Variants in APP observed in about 807,000 individuals in gnomAD.
APP encodes the protein amyloid beta precursor protein.
Under a neutral mutation model 101.4 loss-of-function variants are expected in APP, and 31 were observed. That is an observed-to-expected ratio of 0.31 (90% CI 0.23 to 0.41). APP has a LOEUF of 0.41. Among genes scored for constraint, APP ranks in the 10% least tolerant of loss-of-function variants. APP has a pLI of 1.00. For synonymous variants in APP, 366 were observed against 364.4 expected (o/e 1.00, Z -0.05); for missense variants, 839 against 1,003.7 (o/e 0.84, Z 2.22).
chr21:26,091,322 G>A (rs1385393095), intron 2 of APP, among the ~76,000 whole-genome samples: 5 of 152,196 alleles, frequency 3.3e-5, no homozygotes, highest in Admixed American at 6.5e-5. Flanking sequence ...AATGTATGGC[G>A]CACAGGACTG....
chr21:26,029,023 T>C (rs1318970449), intron 5 of APP, among the ~76,000 whole-genome samples: 1 of 152,026 alleles, frequency 6.6e-6, no homozygotes, highest in Non-Finnish European at 1.5e-5. Context: ...AGTGCATGGA[T>C]GGCTGAGGCA....
intron 11 of APP, among the ~76,000 whole-genome samples, chr21:25,965,894 AAG>A (rs1400468007): frequency 1.3e-5 from 2 of 152,256 alleles, no homozygotes; most frequent in African/African-American, 4.8e-5. Context: ...GGTTTGCTGG[AAG>A]AAAGCAGAGC....
chr21:25,949,379 G>GT (rs2040965605), intron 13 of APP, among the ~76,000 whole-genome samples: 1 of 152,170 alleles, frequency 6.6e-6, no homozygotes, highest in South Asian at 2.1e-4. Context: ...TCAGAACCCT[G>GT]ATTTATGCTT....
Position 25,979,714 on chromosome 21 carries a change from T to C in APP, c.1224+2630A>G, listed in dbSNP as rs1036378866. ...ATTATTTTAAAGAAGACCTGTCACA[T>C]CTAAAACTAACAGAGAATTTGAAAT... On this transcript the variant is annotated intron_variant, in intron 9 of 17. Transcript: ENST00000346798. Among the ~76,000 whole-genome samples, 3 of 152,104 alleles carry C rather than the reference T, an allele frequency of 2.0e-5. No homozygotes were observed. In the Middle Eastern group the frequency reaches 0.01, roughly 517 times the overall value.
intron 1 of APP, among the ~76,000 whole-genome samples, chr21:26,169,784 CAG>C (rs890986387): frequency 6.6e-6 from 1 of 152,224 alleles, no homozygotes; most frequent in African/African-American, 2.4e-5. Context: ...GCCTCTCAGA[CAG>C]AGCTTAGGGT....
At chr21:26,171,006 AG>A (rs1360642888), upstream of APP, 51 of 178,274 alleles carry the variant, frequency 2.9e-4, no homozygotes, top group African/African-American at 1.0e-3. Flanking sequence ...GAACAGTGGG[AG>A]GGAGAGTCTG....
At chr21:26,110,378 G>C (rs1410884958) in intron 2 of APP, among the ~76,000 whole-genome samples, 2 of 152,044 alleles carry the variant, frequency 1.3e-5, no homozygotes, top group African/African-American at 4.8e-5. Flanking sequence ...CCCGGGAGGT[G>C]GAGGTTGCAG....
At chr21:26,123,934 GAAGAA>G (rs1474817145) in intron 1 of APP, among the ~76,000 whole-genome samples, 3 of 151,658 alleles carry the variant, frequency 2.0e-5, no homozygotes, top group Admixed American at 6.6e-5. Flanking sequence ...TGTTTGAAGA[GAAGAA>G]AAGAGAACAT....
chr21:25,934,355 T>C (rs1285046475), intron 13 of APP: 1 of 152,222 alleles, frequency 6.6e-6, no homozygotes, highest in Non-Finnish European at 1.5e-5. Flanking sequence ...AGGAATCTAA[T>C]ACACTGCCCA....
At chr21:26,161,080 C>T (rs2063482045) in intron 1 of APP, among the ~76,000 whole-genome samples, 1 of 152,152 alleles carries the variant, frequency 6.6e-6, no homozygotes, top group South Asian at 2.1e-4. Context: ...TTCTTTATCA[C>T]CACAACATAG....
intron 5 of APP, among the ~76,000 whole-genome samples, chr21:26,028,176 CAAA>C (rs200301180): frequency 1.2e-4 from 11 of 93,458 alleles, no homozygotes; most frequent in Non-Finnish European, 1.4e-4. Context: ...GACTCTGTCT[CAAA>C]AAAAAAAAAA....
intron 17 of APP, among the ~76,000 whole-genome samples, chr21:25,884,925 A>T (rs1398482562): frequency 6.6e-6 from 1 of 152,262 alleles, no homozygotes; most frequent in African/African-American, 2.4e-5. Context: ...CCTAACGCTT[A>T]AGAGTGCCCT....
chr21:25,898,488 A>T (rs893223489), intron 15 of APP, among the ~76,000 whole-genome samples: 4 of 152,262 alleles, frequency 2.6e-5, no homozygotes, highest in Non-Finnish European at 5.9e-5. Flanking sequence ...ACATTTAATT[A>T]TCAAACATCA....
At chr21:25,946,894 G>A (rs1197524125) in intron 13 of APP, among the ~76,000 whole-genome samples, 2 of 152,064 alleles carry the variant, frequency 1.3e-5, no homozygotes, top group East Asian at 3.9e-4. Context: ...TCAATATACT[G>A]CACTGAATTA....
chr21:25,937,725 G>T (rs530770613), intron 13 of APP: 2 of 152,226 alleles, frequency 1.3e-5, no homozygotes, highest in South Asian at 4.1e-4. Flanking sequence ...AGTTATGAAA[G>T]GCAGAATTTT....
rs892850454 is a variant in APP, at chr21:26,058,987, A to G, written c.356-5639T>C. On this transcript the variant is annotated intron_variant, in intron 3 of 17. Transcript: ENST00000346798. The stretch of plus-strand genomic sequence containing the variant: ...TCCCAGCTACTCGGGAGGCTGAGGC[A>G]GGAGAATGGCGTGAACCCGGGAGGC... Among the ~76,000 whole-genome samples the G allele has an allele frequency of 1.2e-3, 186 of 151,982 alleles. 1 individual carries two copies. Among genetic ancestry groups the G allele is most frequent in the African/African-American group, 4.2e-3 (174 of 41,440 alleles).
intron 5 of APP, among the ~76,000 whole-genome samples, chr21:26,025,708 T>A (rs1452707125): frequency 6.6e-6 from 1 of 152,216 alleles, no homozygotes; most frequent in Non-Finnish European, 1.5e-5. Flanking sequence ...TGCATCTGCC[T>A]GAGCAATTTA....
chr21:26,099,511 A>C (rs2062013698), intron 2 of APP, among the ~76,000 whole-genome samples: 1 of 152,370 alleles, frequency 6.6e-6, no homozygotes, highest in South Asian at 2.1e-4. Context: ...CTAAGCATTC[A>C]AAGAGTATAT....
chr21:25,975,315 C>T, intron 10 of APP, 87 bp from the exon 11 acceptor site: 3 of 1,550,780 alleles, frequency 1.9e-6, no homozygotes, highest in Non-Finnish European at 1.8e-6. Context: ...ACATCCTATT[C>T]CATTTTCTTC....
Sources: allele counts gnomAD v4.1 joint callset (sites outside exome capture counted in the v4.1 genomes callset), GRCh38; gene constraint gnomAD v4.1.1; transcripts MANE v1.5; gene names NCBI Gene and HGNC (gene_info 2026-07-23, HGNC 2026-07-21).